The following ZNF536 variants were observed in gnomAD, a reference collection of about 807,000 sequenced individuals.
ZNF536 encodes the protein zinc finger protein 536.
ZNF536 carries 13 observed loss-of-function variants against 84.5 expected under a neutral mutation model. That is an observed-to-expected ratio of 0.15 (90% CI 0.10 to 0.24). The LOEUF (loss-of-function observed/expected upper bound fraction) is 0.24. ZNF536 is among the 10% of genes least tolerant of loss of function. The pLI is 1.00. For missense variants in ZNF536, 1,536 were observed against 1,747.5 expected (o/e 0.88, Z 2.16); for synonymous variants, 811 against 742.5 (o/e 1.09, Z -1.50).
Position 30,445,511 on chromosome 19 carries a change from C to T in ZNF536, c.1949C>T (p.Ser650Phe). The change falls in exon 2 of 5, where the codon TCC becomes TTC. Residue 650 changes from serine to phenylalanine, a missense_variant. Around this residue, in one of 8 missense-constraint regions of ZNF536, gnomAD observed 366 missense variants for 364.4 expected, o/e 1.00. Coordinates refer to ENST00000355537, the MANE Select transcript of ZNF536 (RefSeq NM_014717.3). The surrounding 1 kb of genome is among the most constrained non-coding windows in gnomAD (Gnocchi z 4.5). ...FRTYHQVVVH[S>F]RVHKRDRKGE... ...ACTTACCACCAGGTGGTCGTGCACT[C>T]CCGTGTCCACAAGCGGGACCGCAAG... The T allele has an allele frequency of 6.2e-7, 1 of 1,614,004 alleles. No individual in the cohort carries two copies.
At chr19:30,524,117 C>A (rs553562146) in intron 2 of ZNF536, among the ~76,000 whole-genome samples, 1 of 152,174 alleles carries the variant, frequency 6.6e-6, no homozygotes. Flanking sequence ...TGCCTCCATG[C>A]CGCCCTAATA....
intron 1 of ZNF536, among the ~76,000 whole-genome samples, chr19:30,640,320 T>C (rs1376510081): frequency 1.3e-5 from 2 of 152,176 alleles, no homozygotes; most frequent in Non-Finnish European, 2.9e-5. Context: ...GCTTTTCTAG[T>C]TGTGCTCAAT....
At position 30,442,387 on chromosome 19, in the gene ZNF536, T is replaced by G. The variant is rs146244519; in HGVS notation, c.-2-1174T>G. On this transcript the variant is annotated intron_variant, in intron 1 of 4. Coordinates refer to ENST00000355537, the MANE Select transcript of ZNF536 (RefSeq NM_014717.3). ...TTAACAAACAACTTTGAGTTCTAAT[T>G]TTCTGCAAAACACATACTGCAGGTA... is the stretch of plus-strand genomic sequence containing the variant. 7.2e-5 allele frequency among the ~76,000 whole-genome samples: 11 copies of G among 152,380 alleles called. No individual in the cohort carries two copies. The East Asian group carries it at 2.1e-3, about 29-fold the overall frequency.
chr19:30,310,226 C>G (rs1331831908), intron 2 of ZNF536, among the ~76,000 whole-genome samples: 2 of 152,216 alleles, frequency 1.3e-5, no homozygotes, highest in Non-Finnish European at 2.9e-5. Context: ...CAGAACAATA[C>G]TGTTGCTTCC....
intron 2 of ZNF536, among the ~76,000 whole-genome samples, chr19:30,333,399 G>A (rs7253381): frequency 0.31 from 46,771 of 152,002 alleles, 7,227 homozygotes; most frequent in Middle Eastern, 0.42. Flanking sequence ...CTTCTGCCAT[G>A]AGGCGAGCTG....
intron 1 of ZNF536, among the ~76,000 whole-genome samples, chr19:30,423,777 G>T (rs984786352): frequency 1.3e-5 from 2 of 152,118 alleles, no homozygotes; most frequent in African/African-American, 4.8e-5. Context: ...AGCAAGGCTG[G>T]CAGTGACAGC....
At chr19:30,343,381 G>A (rs748250738) in intron 2 of ZNF536, among the ~76,000 whole-genome samples, 3 of 152,144 alleles carry the variant, frequency 2.0e-5, no homozygotes, top group African/African-American at 7.2e-5. Flanking sequence ...TTCCTGGGGT[G>A]GGGGAGCATC....
At chr19:30,486,730 C>T (rs1568478611) in intron 2 of ZNF536, among the ~76,000 whole-genome samples, 1 of 152,188 alleles carries the variant, frequency 6.6e-6, no homozygotes, top group Non-Finnish European at 1.5e-5. Flanking sequence ...GGTGTAAAAA[C>T]GTTCCTATTT....
At position 30,548,006 on chromosome 19, in the gene ZNF536, A is replaced by G; in HGVS notation, c.2387A>G (p.Tyr796Cys). Residue 796 changes from tyrosine to cysteine, a missense_variant, in exon 4 of 5, where the codon TAC becomes TGC. This residue lies in a region of ZNF536 where 148 missense variants were observed against 205.4 expected (regional missense o/e 0.72). Coordinates refer to ENST00000355537, the MANE Select transcript of ZNF536 (RefSeq NM_014717.3). Reference protein sequence around the residue: ...YAGTQSASLKYHLERHHRERQ... With the variant: ...YAGTQSASLKCHLERHHRERQ... Reference sequence around the variant, plus strand: ...GGCACGCAGTCAGCATCCTTAAAATACCACTTAGAGCGACACCATCGGGAG... The same window carrying G: ...GGCACGCAGTCAGCATCCTTAAAATGCCACTTAGAGCGACACCATCGGGAG... The G allele has an allele frequency of 6.2e-7, 1 of 1,610,130 alleles. No individual in the cohort carries two copies. Among genetic ancestry groups the G allele is most frequent in the Non-Finnish European group, 8.5e-7 (1 of 1,178,184 alleles).
chr19:30,329,801 C>T (rs910250709), intron 2 of ZNF536, among the ~76,000 whole-genome samples: 1 of 152,014 alleles, frequency 6.6e-6, no homozygotes, highest in Non-Finnish European at 1.5e-5. Flanking sequence ...GGATAGTTTG[C>T]TCTGGGGCAT....
chr19:30,409,679 G>A (rs184007273), intron 1 of ZNF536, among the ~76,000 whole-genome samples: 41 of 152,224 alleles, frequency 2.7e-4, no homozygotes, highest in Middle Eastern at 3.4e-3. Flanking sequence ...GTCAAATTAC[G>A]TCCCCCGACC....
At chr19:30,572,339 G>T (rs2046577497) in intron 1 of ZNF536, among the ~76,000 whole-genome samples, 1 of 152,158 alleles carries the variant, frequency 6.6e-6, no homozygotes, top group Non-Finnish European at 1.5e-5. Flanking sequence ...CCCGTCCTAA[G>T]AGCAGAATGT....
intron 2 of ZNF536, among the ~76,000 whole-genome samples, chr19:30,294,568 T>TGC (rs921532164): frequency 2.0e-5 from 3 of 151,552 alleles, no homozygotes; most frequent in African/African-American, 7.3e-5. Context: ...TGTGTGTGTG[T>TGC]GTGTGTGTGT....
intron 2 of ZNF536, among the ~76,000 whole-genome samples, chr19:30,483,800 A>G (rs73536719): frequency 0.051 from 7,717 of 152,156 alleles, 642 homozygotes; most frequent in African/African-American, 0.18. Context: ...AAAAGGCCAC[A>G]GTCTCATGAG....
At chr19:30,537,825 A>G (rs2145987353) in intron 3 of ZNF536, among the ~76,000 whole-genome samples, 1 of 152,362 alleles carries the variant, frequency 6.6e-6, no homozygotes, top group East Asian at 1.9e-4. Context: ...CTAGAATCAG[A>G]GAGAAAATGA....
chr19:30,298,916 A>G (rs929045865), intron 2 of ZNF536, among the ~76,000 whole-genome samples: 1 of 152,236 alleles, frequency 6.6e-6, no homozygotes, highest in African/African-American at 2.4e-5. Flanking sequence ...AATTGGCCCT[A>G]TATGACTTCT....
At chr19:30,337,135 T>C (rs2146485291) in intron 2 of ZNF536, among the ~76,000 whole-genome samples, 1 of 152,226 alleles carries the variant, frequency 6.6e-6, no homozygotes, top group African/African-American at 2.4e-5. Flanking sequence ...AGTTAGTCAC[T>C]TTCCTACTAC....
intron 3 of ZNF536, among the ~76,000 whole-genome samples, chr19:30,363,011 A>T (rs2048322357): frequency 6.6e-6 from 1 of 151,962 alleles, no homozygotes; most frequent in Non-Finnish European, 1.5e-5. Context: ...GTGAGCCAAG[A>T]TTGTGCCACT....
At chr19:30,576,874 A>C (rs2046757846) in intron 1 of ZNF536, among the ~76,000 whole-genome samples, 1 of 152,122 alleles carries the variant, frequency 6.6e-6, no homozygotes, top group Non-Finnish European at 1.5e-5. Context: ...CTCTTTAGGG[A>C]GGCACTCTGC....
Sources: allele counts gnomAD v4.1 joint callset (sites outside exome capture counted in the v4.1 genomes callset), GRCh38; gene constraint gnomAD v4.1.1; regional missense constraint gnomAD v4.1.1; non-coding constraint Gnocchi (gnomAD v3.1); transcripts MANE v1.5; gene names NCBI Gene and HGNC (gene_info 2026-07-23, HGNC 2026-07-21).